PMM2: variants seen among roughly 807,000 people sequenced by gnomAD.
PMM2 encodes mannose-6-phosphate isomerase.
A neutral mutation model predicts 33.2 loss-of-function variants in PMM2; 35 were observed. That is an observed-to-expected ratio of 1.06 (90% CI 0.81 to 1.40). The LOEUF (loss-of-function observed/expected upper bound fraction) is 1.40, where lower values mean the gene tolerates loss of function less well. Ranked by LOEUF, PMM2 falls within the 40% of genes most tolerant of loss-of-function variation. The probability of loss-of-function intolerance (pLI) is 0.00; values close to 1 mark genes in which losing one functional copy is unlikely to be tolerated. For missense variants in PMM2, 386 were observed against 306.0 expected, an observed-to-expected ratio of 1.26 and a Z score of -1.95; for synonymous variants, 153 against 114.7, an observed-to-expected ratio of 1.33 and a Z score of -2.13.
intron 7 of PMM2, among the ~76,000 whole-genome samples, chr16:8,820,277 A>G (rs2060730400): frequency 6.6e-6 from 1 of 151,178 alleles, no homozygotes; most frequent in Non-Finnish European, 1.5e-5. Context: ...ATCTGGCCCC[A>G]CCATTCACCA....
intron 7 of PMM2, among the ~76,000 whole-genome samples, chr16:8,834,371 A>G (rs1472976469): frequency 2.6e-5 from 4 of 152,034 alleles, no homozygotes; most frequent in Non-Finnish European, 5.9e-5. Context: ...ATCAGACTGT[A>G]TAGAGGTGGG....
rs1207398103 is a variant in PMM2, at chr16:8,797,960, C to T, written c.66+12C>T. 2 of 1,592,662 alleles carry T rather than the reference C, an allele frequency of 1.3e-6. No homozygotes were observed. Among genetic ancestry groups the T allele is most frequent in the Admixed American group, 3.5e-5 (2 of 56,734 alleles). On this transcript the variant is annotated intron_variant, in intron 1 of 7. Coordinates refer to ENST00000268261, the MANE Select transcript of PMM2 (RefSeq NM_000303.3). ...CCGCCCCGCGGCAGGTAAGTGGCGG[C>T]CGGCGGGCTGCTGGCAGCCGACGCG...
chr16:8,847,488 A>T (rs769923057), intron 7 of PMM2, among the ~76,000 whole-genome samples: 5 of 152,128 alleles, frequency 3.3e-5, no homozygotes, highest in African/African-American at 1.2e-4. Flanking sequence ...GATGGCTCTC[A>T]TAGGCATAAT....
At chr16:8,835,619 G>A (rs1025429975) in intron 7 of PMM2, among the ~76,000 whole-genome samples, 2 of 152,086 alleles carry the variant, frequency 1.3e-5, no homozygotes, top group East Asian at 1.9e-4. Context: ...TTGATAACGC[G>A]CAGATTCTGA....
chr16:8,803,671 T>C (rs1236437349), intron 2 of PMM2, among the ~76,000 whole-genome samples: 1 of 152,150 alleles, frequency 6.6e-6, no homozygotes, highest in African/African-American at 2.4e-5. Flanking sequence ...ACTGAAGAGC[T>C]TTTTTTAAAA....
chr16:8,828,038 T>TTTTC (rs1177905820), intron 7 of PMM2, among the ~76,000 whole-genome samples: 4 of 138,754 alleles, frequency 2.9e-5, no homozygotes, highest in Non-Finnish European at 6.1e-5. Flanking sequence ...TTTTTTTTTT[T>TTTTC]TTTTTTTTAC....
intron 7 of PMM2, among the ~76,000 whole-genome samples, chr16:8,829,712 T>C (rs972649740): frequency 2.6e-5 from 4 of 152,174 alleles, no homozygotes; most frequent in African/African-American, 9.6e-5. Flanking sequence ...GGCAGCCCTG[T>C]CAAACTTCCG....
At chr16:8,821,021 T>C (rs2060736494) in intron 7 of PMM2, among the ~76,000 whole-genome samples, 1 of 152,084 alleles carries the variant, frequency 6.6e-6, no homozygotes, top group African/African-American at 2.4e-5. Context: ...TAACCATGCC[T>C]AGCATCTGTA....
chr16:8,798,006 TG>T (rs1341671962), intron 1 of PMM2, 58 bp downstream of exon 1: 1 of 1,525,576 alleles, frequency 6.6e-7, no homozygotes, highest in African/African-American at 1.4e-5. Context: ...TGTTCCCAGT[TG>T]GGGCTATCGA....
At chr16:8,839,291 C>T (rs1171021339) in intron 7 of PMM2, among the ~76,000 whole-genome samples, 1 of 151,828 alleles carries the variant, frequency 6.6e-6, no homozygotes, top group African/African-American at 2.4e-5. Context: ...AAAGGATCCA[C>T]AGAGGAAGAA....
At chr16:8,822,469 G>A (rs1471724874) in intron 7 of PMM2, among the ~76,000 whole-genome samples, 1 of 152,180 alleles carries the variant, frequency 6.6e-6, no homozygotes. Flanking sequence ...TACCGGCATT[G>A]TTTCAAAGTT....
chr16:8,813,993 A>C (rs891139888), intron 7 of PMM2, among the ~76,000 whole-genome samples: 2 of 149,574 alleles, frequency 1.3e-5, no homozygotes, highest in African/African-American at 2.5e-5. Context: ...CAGCCTCCTG[A>C]GTACCTGATA....
chr16:8,828,419 T>C (rs1002715826), intron 7 of PMM2, among the ~76,000 whole-genome samples: 2 of 152,076 alleles, frequency 1.3e-5, no homozygotes, highest in East Asian at 1.9e-4. Context: ...CACTGTGAAA[T>C]AGCAAAGCTT....
At chr16:8,827,944 A>AATATATATATATTTATAAATTTATAT in intron 7 of PMM2, among the ~76,000 whole-genome samples, 1 of 113,736 alleles carries the variant, frequency 8.8e-6, no homozygotes, top group Non-Finnish European at 1.7e-5. Flanking sequence ...TATATTTATA[A>AATATATATATATTTATAAATTTATAT]ATATATATAT....
chr16:8,843,133 C>G (rs187670184), intron 7 of PMM2, among the ~76,000 whole-genome samples: 122 of 152,190 alleles, frequency 8.0e-4, no homozygotes, highest in African/African-American at 2.6e-3. Flanking sequence ...TAAGTTGGCA[C>G]CAGAGTTGGG....
At chr16:8,843,883 G>C (rs191676204) in intron 7 of PMM2, among the ~76,000 whole-genome samples, 2 of 152,084 alleles carry the variant, frequency 1.3e-5, no homozygotes, top group Non-Finnish European at 2.9e-5. Flanking sequence ...GGAGAGGTCA[G>C]ATGGGTCTGT....
chr16:8,843,829 G>C (rs1329188892), intron 7 of PMM2, among the ~76,000 whole-genome samples: 4 of 152,108 alleles, frequency 2.6e-5, no homozygotes. Flanking sequence ...TTAGGGTCTA[G>C]GGGCTGAGGA....
chr16:8,820,304 G>C (rs1023804076), intron 7 of PMM2, among the ~76,000 whole-genome samples: 2 of 151,438 alleles, frequency 1.3e-5, no homozygotes, highest in Non-Finnish European at 2.9e-5. Flanking sequence ...TTGTGACAGT[G>C]AGGACAGTGA....
intron 7 of PMM2, among the ~76,000 whole-genome samples, chr16:8,830,766 G>T (rs1181359615): frequency 1.3e-5 from 2 of 152,228 alleles, no homozygotes; most frequent in African/African-American, 4.8e-5. Context: ...TAACTAATTT[G>T]TTAGTCCTAC....
Sources: allele counts gnomAD v4.1 joint callset (sites outside exome capture counted in the v4.1 genomes callset), GRCh38; gene constraint gnomAD v4.1.1; transcripts MANE v1.5; gene names NCBI Gene and HGNC (gene_info 2026-07-23, HGNC 2026-07-21).